EPHA5: variants seen among roughly 807,000 people sequenced by gnomAD.
EPHA5 encodes the protein EPH receptor A5.
Under a neutral mutation model 105.0 loss-of-function variants are expected in EPHA5, and 60 were observed. The observed-to-expected ratio is 0.57, with a 90% CI of 0.46 to 0.71. EPHA5 has a LOEUF of 0.71. Ranked by LOEUF, EPHA5 falls within the 30% of genes least tolerant of loss-of-function variation. The pLI is 0.00. For synonymous variants in EPHA5, 513 were observed against 449.1 expected (o/e 1.14, Z -1.80); for missense variants, 1,218 against 1,274.7 (o/e 0.96, Z 0.68).
At chr4:65,606,445 CT>C (rs1744236747) in intron 2 of EPHA5, among the ~76,000 whole-genome samples, 1 of 152,106 alleles carries the variant, frequency 6.6e-6, no homozygotes, top group Non-Finnish European at 1.5e-5. Context: ...ATTTTCTTCT[CT>C]GTAAATCGTC....
At chr4:65,438,546 A>G (rs1035162118) in intron 5 of EPHA5, among the ~76,000 whole-genome samples, 3 of 152,022 alleles carry the variant, frequency 2.0e-5, no homozygotes, top group Non-Finnish European at 4.4e-5. Context: ...GACACAAAGA[A>G]GACAGTGAAG....
chr4:65,437,061 T>C (rs1386783470), intron 5 of EPHA5, among the ~76,000 whole-genome samples: 1 of 152,044 alleles, frequency 6.6e-6, no homozygotes, highest in Non-Finnish European at 1.5e-5. Flanking sequence ...TTGAAGAATA[T>C]GTAAACGAGA....
chr4:65,596,052 C>T (rs573826981), intron 3 of EPHA5, among the ~76,000 whole-genome samples: 3 of 152,204 alleles, frequency 2.0e-5, no homozygotes, highest in Non-Finnish European at 4.4e-5. Context: ...TTACAAGCAG[C>T]GTATTTCCCA....
In EPHA5 at chr4:65,321,292, CA is replaced by C. The variant is rs145254769; in HGVS notation, c.*2821del. ...TTATTTTTGGTAGTCTGGTGGGTGA[CA>C]AAATGAATCAACAGAATAAGAAATT... On this transcript the variant is annotated 3_prime_UTR_variant, in exon 17 of 17. Transcript: ENST00000613740. 0.012 allele frequency: 2,825 copies of C among 230,216 alleles called. 79 individuals are homozygous for C. Among genetic ancestry groups the C allele is most frequent in the African/African-American group, 0.058 (2,629 of 45,212 alleles). 14.3% of individuals were successfully genotyped at this position (230,216 alleles called of 1,614,324 possible).
intron 3 of EPHA5, among the ~76,000 whole-genome samples, chr4:65,519,956 A>G (rs1734514466): frequency 1.3e-5 from 2 of 152,104 alleles, no homozygotes; most frequent in Admixed American, 6.6e-5. Flanking sequence ...TACTGCCCAA[A>G]GTAATTTATA....
chr4:65,604,864 G>A (rs2149446390), intron 2 of EPHA5, among the ~76,000 whole-genome samples: 1 of 152,198 alleles, frequency 6.6e-6, no homozygotes, highest in South Asian at 2.1e-4. Context: ...GGCACAGATA[G>A]GAATCAATAT....
rs147256162 is a variant in EPHA5 at position 65,423,428 on chromosome 4, T to C, written c.1403-2863A>G. On this transcript the variant is annotated intron_variant, in intron 5 of 16. Coordinates refer to ENST00000613740, the MANE Select transcript of EPHA5 (RefSeq NM_001281766.3). ...AGGAGTGGGAATTTATAATTCACTTTCTTGATGGTGGAATATCTACTTAAA... is the reference window on the plus strand; with the variant it reads ...AGGAGTGGGAATTTATAATTCACTTCCTTGATGGTGGAATATCTACTTAAA... Among the ~76,000 whole-genome samples, 150 of 152,190 alleles carry C rather than the reference T, an allele frequency of 9.9e-4. 1 individual carries two copies. The highest frequency in any genetic ancestry group is 3.4e-3 in the African/African-American group (140 of 41,564).
chr4:65,544,318 A>G (rs1014581323), intron 3 of EPHA5, among the ~76,000 whole-genome samples: 1 of 152,116 alleles, frequency 6.6e-6, no homozygotes, highest in African/African-American at 2.4e-5. Flanking sequence ...AAGTTTTGCA[A>G]TCCACACATC....
At chr4:65,398,095 C>T (rs1721429918) in intron 8 of EPHA5, among the ~76,000 whole-genome samples, 1 of 152,164 alleles carries the variant, frequency 6.6e-6, no homozygotes, top group African/African-American at 2.4e-5. Flanking sequence ...CACCCAGCCA[C>T]AGCTGAGGAA....
At chr4:65,447,948 A>T (rs144925157) in intron 5 of EPHA5, among the ~76,000 whole-genome samples, 1 of 152,186 alleles carries the variant, frequency 6.6e-6, no homozygotes, top group Non-Finnish European at 1.5e-5. Context: ...AGAACATAAG[A>T]TTTAAAGACA....
rs1722640231 is a variant in EPHA5 at position 65,349,742 on chromosome 4, A to G, written c.2446-1539T>C. On this transcript the variant is annotated intron_variant, in intron 13 of 16. Coordinates refer to ENST00000613740, the MANE Select transcript of EPHA5 (RefSeq NM_001281766.3). ...ACATCATTTGAAGAAGACTTACCTG[A>G]AACTTATTCTCATTCGTTAAATATT... is the stretch of plus-strand genomic sequence containing the variant. 2.0e-5 allele frequency among the ~76,000 whole-genome samples: 3 copies of G among 152,178 alleles called. No homozygotes were observed. In the South Asian group the frequency reaches 6.2e-4, roughly 31 times the overall value.
intron 14 of EPHA5, among the ~76,000 whole-genome samples, chr4:65,344,358 C>A (rs1328166552): frequency 6.6e-6 from 1 of 152,092 alleles, no homozygotes; most frequent in East Asian, 1.9e-4. Flanking sequence ...CATAAGAAAG[C>A]CTAGTCAAGA....
At chr4:65,425,660 A>C (rs1724363869) in intron 5 of EPHA5, among the ~76,000 whole-genome samples, 1 of 151,956 alleles carries the variant, frequency 6.6e-6, no homozygotes, top group Non-Finnish European at 1.5e-5. Context: ...TTCTTTTATA[A>C]AAAATCAAAC....
At chr4:65,520,359 C>T (rs910307986) in intron 3 of EPHA5, among the ~76,000 whole-genome samples, 1 of 152,118 alleles carries the variant, frequency 6.6e-6, no homozygotes, top group Non-Finnish European at 1.5e-5. Context: ...CTTCCTTACA[C>T]CTTATACAAA....
At chr4:65,487,726 C>A (rs906247208) in intron 5 of EPHA5, among the ~76,000 whole-genome samples, 2 of 152,112 alleles carry the variant, frequency 1.3e-5, no homozygotes, top group Non-Finnish European at 2.9e-5. Context: ...TAGACTCCTG[C>A]CCACCAAACT....
At chr4:65,640,758 T>C (rs1212194670) in intron 2 of EPHA5, among the ~76,000 whole-genome samples, 1 of 152,208 alleles carries the variant, frequency 6.6e-6, no homozygotes, top group African/African-American at 2.4e-5. Context: ...CACTTCCTGC[T>C]TGTGCACAAG....
chr4:65,453,666 G>A (rs1315750899), intron 5 of EPHA5, among the ~76,000 whole-genome samples: 4 of 152,112 alleles, frequency 2.6e-5, no homozygotes, highest in African/African-American at 9.7e-5. Context: ...TAAACACACC[G>A]CACATGCTCC....
chr4:65,584,240 G>A (rs1354379555), intron 3 of EPHA5, among the ~76,000 whole-genome samples: 1 of 151,640 alleles, frequency 6.6e-6, no homozygotes, highest in Non-Finnish European at 1.5e-5. Flanking sequence ...AAAATATAAT[G>A]TGTTTCTCTT....
intron 3 of EPHA5, among the ~76,000 whole-genome samples, chr4:65,543,528 A>T (rs1486954333): frequency 2.0e-5 from 3 of 152,032 alleles, no homozygotes; most frequent in Non-Finnish European, 4.4e-5. Flanking sequence ...GATGTGAAGG[A>T]CCTCTTCAAG....
Sources: gnomAD v4.1 joint callset for allele counts (sites outside exome capture counted in the v4.1 genomes callset) on GRCh38, gnomAD v4.1.1 for gene constraint, MANE v1.5 for transcripts, NCBI Gene and HGNC (gene_info 2026-07-23, HGNC 2026-07-21) for gene names.